Variants in KLF12 observed in about 807,000 individuals in gnomAD.
KLF12 encodes KLF transcription factor 12.
In KLF12, 9 loss-of-function variants were observed where a neutral mutation model predicts 37.8. That is an observed-to-expected ratio of 0.24 (90% CI 0.14 to 0.42). KLF12 has a LOEUF of 0.42. Ranked by LOEUF, KLF12 falls within the 10% of genes least tolerant of loss-of-function variation. The pLI is 1.00. For missense variants in KLF12, 411 were observed against 516.0 expected (o/e 0.80, Z 1.97); for synonymous variants, 208 against 202.1 (o/e 1.03, Z -0.25).
chr13:74,256,285 GAACA>G, the KLF12 span, among the ~76,000 whole-genome samples: 2 of 151,892 alleles, frequency 1.3e-5, no homozygotes, highest in Admixed American at 1.3e-4. Flanking sequence ...AACACAAACA[GAACA>G]AAATAGAACA....
At chr13:73,723,780 G>A (rs1238818203) in intron 6 of KLF12, among the ~76,000 whole-genome samples, 1 of 151,918 alleles carries the variant, frequency 6.6e-6, no homozygotes, top group Non-Finnish European at 1.5e-5. Context: ...TTATGTGACC[G>A]ACAAACATGA....
intron 3 of KLF12, among the ~76,000 whole-genome samples, chr13:73,886,205 G>A (rs1043858759): frequency 1.3e-5 from 2 of 152,148 alleles, no homozygotes; most frequent in Admixed American, 1.3e-4. Context: ...ATCCTCAATG[G>A]GAAATGGGAG....
Position 73,859,485 on chromosome 13 carries a change from T to G in KLF12, c.124-13112A>C, listed in dbSNP as rs549175086. Among the ~76,000 whole-genome samples, 17 of 152,242 alleles carry G rather than the reference T, an allele frequency of 1.1e-4. No individual in the cohort carries two copies. In the South Asian group the frequency reaches 3.5e-3, roughly 32 times the overall value. On this transcript the variant is annotated intron_variant, in intron 3 of 7. Transcript: ENST00000377669. The stretch of plus-strand genomic sequence containing the variant: ...CGTCCTTATTGGTGAAATTTCCTCA[T>G]GGAATTCATGTGCAATTAGTACGTG...
At chr13:73,714,600 T>A (rs1336095207) in intron 7 of KLF12, among the ~76,000 whole-genome samples, 1 of 152,178 alleles carries the variant, frequency 6.6e-6, no homozygotes, top group Non-Finnish European at 1.5e-5. Flanking sequence ...GTGGTGGAAC[T>A]GTGGGGCCCT....
chr13:73,738,041 A>G lies in KLF12; in HGVS notation c.870-22516T>C, dbSNP rs1355594155. Among the ~76,000 whole-genome samples, 3 of 148,860 alleles carry G rather than the reference A, an allele frequency of 2.0e-5. No individual in the cohort carries two copies. In the East Asian group the frequency reaches 5.9e-4, roughly 29 times the overall value. ...TCAACAAACACACACACACACACAC[A>G]CACACATACGTGTGTATATATATAT... On this transcript the variant is annotated intron_variant, in intron 6 of 7. Transcript: ENST00000377669.
chr13:73,884,070 G>A (rs1398154758), intron 3 of KLF12, among the ~76,000 whole-genome samples: 1 of 152,086 alleles, frequency 6.6e-6, no homozygotes, highest in Non-Finnish European at 1.5e-5. Flanking sequence ...CCCCTACTTA[G>A]TTTCCAAAAA....
intron 2 of KLF12, among the ~76,000 whole-genome samples, chr13:73,971,375 C>T (rs1188118848): frequency 6.6e-6 from 1 of 152,158 alleles, no homozygotes; most frequent in Non-Finnish European, 1.5e-5. Context: ...GACATACTGC[C>T]AGCCTCTAAT....
chr13:73,992,997 C>T (rs1892011471), intron 2 of KLF12, among the ~76,000 whole-genome samples: 1 of 152,152 alleles, frequency 6.6e-6, no homozygotes, highest in Admixed American at 6.5e-5. Context: ...ATTGGGAGGC[C>T]AAGGTGGGAG....
At chr13:74,162,297 C>T in the KLF12 span, among the ~76,000 whole-genome samples, 15 of 152,304 alleles carry the variant, frequency 9.8e-5, no homozygotes, top group East Asian at 5.8e-4. Flanking sequence ...ATCAAACATA[C>T]GGATGAATGA....
chr13:74,038,264 C>A (rs1485952697), intron 1 of KLF12, among the ~76,000 whole-genome samples: 1 of 152,176 alleles, frequency 6.6e-6, no homozygotes. Flanking sequence ...GAACTTATAA[C>A]TATTCAAAAT....
intron 1 of KLF12, among the ~76,000 whole-genome samples, chr13:74,056,872 T>C (rs2138626541): frequency 6.6e-6 from 1 of 152,286 alleles, no homozygotes; most frequent in South Asian, 2.1e-4. Flanking sequence ...TCTGCATACC[T>C]ACACACCTCC....
At chr13:73,855,297 G>A (rs983667225) in intron 3 of KLF12, among the ~76,000 whole-genome samples, 3 of 152,078 alleles carry the variant, frequency 2.0e-5, no homozygotes, top group African/African-American at 7.2e-5. Context: ...GTGTCCATGT[G>A]TACTCAATGT....
At chr13:73,822,041 T>C (rs1238460031) in intron 4 of KLF12, among the ~76,000 whole-genome samples, 3 of 152,212 alleles carry the variant, frequency 2.0e-5, no homozygotes, top group African/African-American at 7.2e-5. Context: ...TCAATTATAC[T>C]CCCTTGTACA....
intron 3 of KLF12, among the ~76,000 whole-genome samples, chr13:73,866,960 C>T (rs1022711192): frequency 2.6e-5 from 4 of 151,814 alleles, no homozygotes; most frequent in Non-Finnish European, 5.9e-5. Flanking sequence ...AAGGATTAAA[C>T]TATGGTGAGC....
the KLF12 span, among the ~76,000 whole-genome samples, chr13:74,250,932 A>G: frequency 5.2e-4 from 79 of 152,346 alleles, no homozygotes; most frequent in East Asian, 0.013. Context: ...ACAACAAATT[A>G]AAGTCAGTCC....
At chr13:74,244,745 T>C in the KLF12 span, among the ~76,000 whole-genome samples, 1 of 152,216 alleles carries the variant, frequency 6.6e-6, no homozygotes, top group African/African-American at 2.4e-5. Flanking sequence ...TCCTACTCCT[T>C]TTAATGCTAG....
At chr13:74,215,427 C>CTT in the KLF12 span, among the ~76,000 whole-genome samples, 1,181 of 60,340 alleles carry the variant, frequency 0.02, 66 homozygotes, top group African/African-American at 0.05. Flanking sequence ...CCTCTGGGTT[C>CTT]TTTTTTTTTT....
At chr13:73,735,124 C>T (rs1379472714) in intron 6 of KLF12, among the ~76,000 whole-genome samples, 2 of 91,024 alleles carry the variant, frequency 2.2e-5, no homozygotes, top group Non-Finnish European at 4.2e-5. Flanking sequence ...CTCACCTCTA[C>T]TATTAAAAAA....
the KLF12 span, among the ~76,000 whole-genome samples, chr13:74,211,940 T>G: frequency 6.6e-6 from 1 of 152,202 alleles, no homozygotes; most frequent in African/African-American, 2.4e-5. Context: ...TCAAGGCCTT[T>G]TCTTTGGGTA....
Sources: gnomAD v4.1 joint callset for allele counts (sites outside exome capture counted in the v4.1 genomes callset) on GRCh38, gnomAD v4.1.1 for gene constraint, MANE v1.5 for transcripts, NCBI Gene and HGNC (gene_info 2026-07-23, HGNC 2026-07-21) for gene names.